CTDP1: variants seen among roughly 807,000 people sequenced by gnomAD.
CTDP1 encodes CTD phosphatase 1, also known as RNA polymerase II subunit A C-terminal domain phosphatase.
In CTDP1, 47 loss-of-function variants were observed where a neutral mutation model predicts 91.8. The observed-to-expected ratio is 0.51, with a 90% CI of 0.41 to 0.65. The LOEUF (loss-of-function observed/expected upper bound fraction) is 0.65. CTDP1 is among the 30% of genes least tolerant of loss of function. The pLI is 0.00. For synonymous variants in CTDP1, 656 were observed against 598.5 expected, an observed-to-expected ratio of 1.10 and a Z score of -1.40; for missense variants, 1,272 against 1,373.7, an observed-to-expected ratio of 0.93 and a Z score of 1.17.
rs575067173 is a variant in CTDP1 at position 79,741,147 on chromosome 18, G to A, written c.2747+4626G>A. ...CCCTGAGTCCCCGAGGTCCCCTTGC[G>A]GTTGATCTGTCCCTGAGCCCGTGGT... On this transcript the variant is annotated intron_variant, in intron 12 of 12. Coordinates refer to ENST00000613122, the MANE Select transcript of CTDP1 (RefSeq NM_004715.5). Among the ~76,000 whole-genome samples, 19 of 144,590 alleles carry A rather than the reference G, an allele frequency of 1.3e-4. No individual in the cohort carries two copies. The South Asian group carries it at 1.3e-3, about 10-fold the overall frequency. 94.9% of individuals were successfully genotyped at this position (144,590 alleles called of 152,430 possible).
At chr18:79,699,971 A>G (rs1265090348) in intron 4 of CTDP1, among the ~76,000 whole-genome samples, 1 of 152,178 alleles carries the variant, frequency 6.6e-6, no homozygotes, top group Non-Finnish European at 1.5e-5. Flanking sequence ...TGTCAGCTAT[A>G]GGGATTTGTG....
chr18:79,749,717 G>A (rs1193339057), intron 12 of CTDP1: 1 of 152,250 alleles, frequency 6.6e-6, no homozygotes, highest in African/African-American at 2.4e-5. Flanking sequence ...TCTTCCAGGG[G>A]TTCGGGACAC....
intron 10 of CTDP1, 47 bp from the exon 11 acceptor site, chr18:79,728,860 C>A: frequency 6.2e-7 from 1 of 1,609,388 alleles, no homozygotes; most frequent in South Asian, 1.1e-5. Context: ...GGAAAAGTGC[C>A]ATTCGAACTG....
rs116539537 is a variant in CTDP1, at chr18:79,716,006, G to A, written c.2068+478G>A. On this transcript the variant is annotated intron_variant, in intron 8 of 12. Coordinates refer to ENST00000613122, the MANE Select transcript of CTDP1 (RefSeq NM_004715.5). ...CCCGACGGTGAAACCTGTCCCGGAC[G>A]GGGCAGGCTGCTCTGACATGTTGAA... Among the ~76,000 whole-genome samples, 304 of 152,300 alleles carry A rather than the reference G, an allele frequency of 2.0e-3. 2 individuals are homozygous for A. The highest frequency in any genetic ancestry group is 6.1e-3 in the African/African-American group (254 of 41,532).
chr18:79,677,819 G>C (rs911292771), upstream of CTDP1: 1 of 152,082 alleles, frequency 6.6e-6, no homozygotes, highest in Non-Finnish European at 1.5e-5. Flanking sequence ...TGAACCAGGG[G>C]TTCATGGGAA....
chr18:79,734,283 A>G (rs1018099552), intron 11 of CTDP1, among the ~76,000 whole-genome samples: 1 of 152,240 alleles, frequency 6.6e-6, no homozygotes, highest in Non-Finnish European at 1.5e-5. Flanking sequence ...GAGCCTCTGT[A>G]ATGAAGAAAA....
intron 11 of CTDP1, among the ~76,000 whole-genome samples, chr18:79,729,414 C>T (rs1319305107): frequency 6.6e-6 from 1 of 152,224 alleles, no homozygotes; most frequent in East Asian, 1.9e-4. Flanking sequence ...TGGAGGCACT[C>T]ATGGTCATGA....
intron 11 of CTDP1, among the ~76,000 whole-genome samples, chr18:79,734,241 C>T (rs1419267438): frequency 1.3e-5 from 2 of 152,212 alleles, no homozygotes; most frequent in African/African-American, 4.8e-5. Context: ...CTGTGATGGG[C>T]TCATCTGGAC....
At chr18:79,739,647 G>C (rs376173197) in intron 12 of CTDP1, among the ~76,000 whole-genome samples, 1 of 152,148 alleles carries the variant, frequency 6.6e-6, no homozygotes, top group Non-Finnish European at 1.5e-5. Flanking sequence ...GATCAGTACT[G>C]TAATTGCCGT....
chr18:79,716,688 C>T (rs375545519), intron 8 of CTDP1, among the ~76,000 whole-genome samples: 4 of 152,236 alleles, frequency 2.6e-5, no homozygotes, highest in Non-Finnish European at 5.9e-5. Context: ...TCCTTGGCCC[C>T]TCAGGTGCCC....
At chr18:79,706,057 C>T (rs1003707501) in intron 5 of CTDP1, among the ~76,000 whole-genome samples, 2 of 152,096 alleles carry the variant, frequency 1.3e-5, no homozygotes, top group Non-Finnish European at 2.9e-5. Context: ...AGTCCCAGGG[C>T]GAGGGTGTTA....
At chr18:79,690,537 G>T (rs1284232953) in intron 1 of CTDP1, among the ~76,000 whole-genome samples, 2 of 152,216 alleles carry the variant, frequency 1.3e-5, no homozygotes. Context: ...TCTGCCTGGA[G>T]CGTGGAGGCT....
intron 12 of CTDP1, 96 bp from the exon 13 acceptor site, chr18:79,753,555 TA>T: frequency 6.3e-7 from 1 of 1,592,986 alleles, no homozygotes; most frequent in Non-Finnish European, 8.6e-7. Flanking sequence ...CGTCTTGTGT[TA>T]AAACCACGGA....
At chr18:79,743,521 G>A (rs1270492178) in intron 12 of CTDP1, among the ~76,000 whole-genome samples, 6 of 68,008 alleles carry the variant, frequency 8.8e-5, no homozygotes, top group South Asian at 8.1e-4. Flanking sequence ...GTGAGACTCC[G>A]TCTCCAAAAA....
intron 5 of CTDP1, among the ~76,000 whole-genome samples, chr18:79,707,260 A>G (rs1478691548): frequency 6.6e-6 from 1 of 152,156 alleles, no homozygotes; most frequent in Non-Finnish European, 1.5e-5. Flanking sequence ...TTCCACGTTC[A>G]TGAGGCCTCG....
intron 12 of CTDP1, among the ~76,000 whole-genome samples, chr18:79,739,007 C>T (rs981432025): frequency 4.6e-5 from 7 of 152,202 alleles, no homozygotes; most frequent in African/African-American, 1.4e-4. Flanking sequence ...TCATGAAGCT[C>T]TGGGGTCAGG....
rs1299233052 is a variant in CTDP1 at position 79,732,617 on chromosome 18, A to ACTGT, written c.2580+3549_2580+3550insTGTC. Reference sequence around the variant, plus strand: ...AAAATCACGTGAGACATGAGAACTAACATCAGGAGTGCTCCCAAAATCACG... The same window carrying ACTGT: ...AAAATCACGTGAGACATGAGAACTAACTGTCATCAGGAGTGCTCCCAAAATCACG... On this transcript the variant is annotated intron_variant, in intron 11 of 12. Transcript: ENST00000613122. Among the ~76,000 whole-genome samples, 675 of 148,392 alleles carry ACTGT rather than the reference A, an allele frequency of 4.5e-3. 4 individuals carry two copies. The highest frequency in any genetic ancestry group is 0.016 in the African/African-American group (621 of 38,646).
chr18:79,689,705 C>T (rs1005557729), intron 1 of CTDP1, among the ~76,000 whole-genome samples: 2 of 152,158 alleles, frequency 1.3e-5, no homozygotes, highest in East Asian at 3.9e-4. Context: ...CACTTGAACC[C>T]CAGAGGCAGA....
chr18:79,748,797 C>T (rs1230973955), intron 12 of CTDP1, among the ~76,000 whole-genome samples: 1 of 152,088 alleles, frequency 6.6e-6, no homozygotes, highest in Non-Finnish European at 1.5e-5. Flanking sequence ...GTGTGTGAGC[C>T]GTGACTGCCT....
Sources: gnomAD v4.1 joint callset for allele counts (sites outside exome capture counted in the v4.1 genomes callset) on GRCh38, gnomAD v4.1.1 for gene constraint, MANE v1.5 for transcripts, NCBI Gene and HGNC (gene_info 2026-07-23, HGNC 2026-07-21) for gene names.